The following TASP1 variants were observed in gnomAD, a reference collection of about 807,000 sequenced individuals.
TASP1 encodes the protein taspase 1.
A neutral mutation model predicts 56.6 loss-of-function variants in TASP1; 16 were observed. The observed-to-expected ratio is 0.28, with a 90% CI of 0.19 to 0.43. The LOEUF (loss-of-function observed/expected upper bound fraction) is 0.43, where lower values mean the gene tolerates loss of function less well. Among genes scored for constraint, TASP1 ranks in the 20% least tolerant of loss-of-function variants. TASP1 has a pLI of 1.00. For synonymous variants in TASP1, 179 were observed against 184.2 expected, an observed-to-expected ratio of 0.97 and a Z score of 0.23; for missense variants, 393 against 511.6, an observed-to-expected ratio of 0.77 and a Z score of 2.24.
intron 7 of TASP1, among the ~76,000 whole-genome samples, chr20:13,568,194 C>T (rs1230450395): frequency 6.6e-6 from 1 of 152,078 alleles, no homozygotes; most frequent in Non-Finnish European, 1.5e-5. Context: ...GTCACACAAA[C>T]TGGAATACAG....
intron 8 of TASP1, among the ~76,000 whole-genome samples, chr20:13,537,337 A>G (rs778000247): frequency 6.6e-6 from 1 of 152,196 alleles, no homozygotes; most frequent in Non-Finnish European, 1.5e-5. Context: ...CACCTAAAAA[A>G]AATCAGAATT....
the TASP1 span, among the ~76,000 whole-genome samples, chr20:13,121,472 T>C: frequency 1.3e-5 from 2 of 152,278 alleles, no homozygotes; most frequent in Non-Finnish European, 2.9e-5. Flanking sequence ...CCTGTCTGAT[T>C]TCCTCCCAAA....
chr20:13,626,699 A>G (rs763099589), intron 2 of TASP1, among the ~76,000 whole-genome samples: 1 of 152,176 alleles, frequency 6.6e-6, no homozygotes, highest in Non-Finnish European at 1.5e-5. Context: ...CTGTGCCAAT[A>G]TTTAATAGGC....
At chr20:13,371,686 G>A in the TASP1 span, among the ~76,000 whole-genome samples, 42 of 152,190 alleles carry the variant, frequency 2.8e-4, no homozygotes, top group Non-Finnish European at 5.6e-4. Flanking sequence ...TGTTGTTCAA[G>A]TCTTGTATTT....
At chr20:13,475,611 T>A (rs570029256) in intron 11 of TASP1, among the ~76,000 whole-genome samples, 43 of 152,214 alleles carry the variant, frequency 2.8e-4, no homozygotes, top group African/African-American at 9.9e-4. Context: ...AAGTCTTTGG[T>A]AGGCCAGGCA....
chr20:13,298,844 G>A, the TASP1 span: 5 of 1,225,414 alleles, frequency 4.1e-6, no homozygotes, highest in Non-Finnish European at 4.6e-6. Context: ...GTCCTCCTGC[G>A]GGCCCTCAGG....
At chr20:13,362,808 A>AATATATATAC in the TASP1 span, among the ~76,000 whole-genome samples, 1 of 114,776 alleles carries the variant, frequency 8.7e-6, no homozygotes, top group Non-Finnish European at 1.9e-5. Flanking sequence ...AATAGCAAGA[A>AATATATATAC]ATATATATAT....
the TASP1 span, among the ~76,000 whole-genome samples, chr20:13,243,889 T>C: frequency 1.3e-5 from 2 of 152,154 alleles, no homozygotes; most frequent in Non-Finnish European, 2.9e-5. Flanking sequence ...TTTCCTGAAA[T>C]AGATATTTGA....
chr20:13,616,855 A>C, intron 4 of TASP1: 1 of 300,944 alleles, frequency 3.3e-6, no homozygotes, highest in Admixed American at 4.6e-5. Flanking sequence ...AGTGTAACTT[A>C]CTTTTACTGT....
At chr20:13,190,216 G>T in the TASP1 span, among the ~76,000 whole-genome samples, 1 of 152,094 alleles carries the variant, frequency 6.6e-6, no homozygotes, top group East Asian at 1.9e-4. Context: ...TGGGTGATGG[G>T]TTTAATAGAA....
intron 4 of TASP1, among the ~76,000 whole-genome samples, chr20:13,588,261 G>A (rs2047382310): frequency 1.0e-5 from 1 of 96,782 alleles, no homozygotes; most frequent in Non-Finnish European, 2.1e-5. Flanking sequence ...AAGGAAGGAA[G>A]GAAGGAAGGA....
chr20:13,436,841 G>T (rs1312173843), intron 11 of TASP1, among the ~76,000 whole-genome samples: 1 of 152,058 alleles, frequency 6.6e-6, no homozygotes, highest in Non-Finnish European at 1.5e-5. Flanking sequence ...AAGATGACAA[G>T]TATGACTCAT....
intron 8 of TASP1, among the ~76,000 whole-genome samples, chr20:13,541,500 C>G (rs1344717954): frequency 3.3e-5 from 5 of 152,128 alleles, no homozygotes; most frequent in Non-Finnish European, 7.4e-5. Flanking sequence ...TCCCTACCAT[C>G]CACACACAAG....
chr20:13,268,158 TC>T, the TASP1 span, among the ~76,000 whole-genome samples: 3 of 146,988 alleles, frequency 2.0e-5, no homozygotes, highest in Non-Finnish European at 4.6e-5. Flanking sequence ...TCTCTTCCCT[TC>T]CCTTCTCTCC....
At chr20:13,537,630 T>C (rs867447512) in intron 8 of TASP1, among the ~76,000 whole-genome samples, 29 of 152,190 alleles carry the variant, frequency 1.9e-4, no homozygotes, top group Middle Eastern at 3.2e-3. Flanking sequence ...GATACACATA[T>C]ACCTATTGTC....
chr20:13,509,067 G>T (rs2044229666), intron 10 of TASP1, among the ~76,000 whole-genome samples: 1 of 151,412 alleles, frequency 6.6e-6, no homozygotes, highest in Admixed American at 6.6e-5. Flanking sequence ...ATTCACAATA[G>T]CCAAGATATG....
At chr20:13,584,683 C>G (rs911572913) in intron 5 of TASP1, among the ~76,000 whole-genome samples, 1 of 152,116 alleles carries the variant, frequency 6.6e-6, no homozygotes, top group African/African-American at 2.4e-5. Flanking sequence ...CTGGGCCATA[C>G]AGCAAGTCTC....
chr20:13,375,851 AT>A, the TASP1 span, among the ~76,000 whole-genome samples: 1 of 151,394 alleles, frequency 6.6e-6, no homozygotes, highest in Non-Finnish European at 1.5e-5. Flanking sequence ...TGAATTTTTC[AT>A]GTTTGCTGGC....
chr20:13,378,215 C>T, the TASP1 span, among the ~76,000 whole-genome samples: 6 of 152,200 alleles, frequency 3.9e-5, no homozygotes, highest in African/African-American at 1.4e-4. Context: ...GCATTTAGTG[C>T]TATAAATTTC....
Sources: allele counts gnomAD v4.1 joint callset (sites outside exome capture counted in the v4.1 genomes callset), GRCh38; gene constraint gnomAD v4.1.1; transcripts MANE v1.5; gene names NCBI Gene and HGNC (gene_info 2026-07-23, HGNC 2026-07-21).